Variants in ABCC5 observed in about 807,000 individuals in gnomAD.
ABCC5 encodes the protein ATP-binding cassette sub-family C member 5.
A neutral mutation model predicts 160.9 loss-of-function variants in ABCC5; 61 were observed. The observed-to-expected ratio is 0.38, with a 90% CI of 0.31 to 0.47. ABCC5 has a LOEUF of 0.47. Among genes scored for constraint, ABCC5 ranks in the 20% least tolerant of loss-of-function variants. ABCC5 has a pLI of 0.99. For synonymous variants in ABCC5, 666 were observed against 700.6 expected, an observed-to-expected ratio of 0.95 and a Z score of 0.78; for missense variants, 1,308 against 1,813.3, an observed-to-expected ratio of 0.72 and a Z score of 5.06.
rs191986012 is a variant in ABCC5 at position 183,982,748 on chromosome 3, C to A, written c.825+26G>T. ...CCTCAAGCTAGGAAGTTGCTCTCTG[C>A]TGTGAAGCAAACACCCCTCACTCAC... On this transcript the variant is annotated intron_variant, in intron 6 of 29. Coordinates refer to ENST00000334444, the MANE Select transcript of ABCC5 (RefSeq NM_005688.4). The surrounding 1 kb of genome is among the most constrained non-coding windows in gnomAD (Gnocchi z 5.2). 6.2e-7 allele frequency: 1 copy of A among 1,611,816 alleles called. No homozygotes were observed. The highest frequency in any genetic ancestry group is 2.2e-5 in the East Asian group (1 of 44,846).
At chr3:183,933,907 C>T (rs747482488) in intron 26 of ABCC5, among the ~76,000 whole-genome samples, 1 of 152,186 alleles carries the variant, frequency 6.6e-6, no homozygotes, top group African/African-American at 2.4e-5. Context: ...GGTGGAGGCG[C>T]GGTTTCCAGA....
chr3:183,941,025 A>C (rs1002359785), intron 25 of ABCC5, among the ~76,000 whole-genome samples: 1 of 152,048 alleles, frequency 6.6e-6, no homozygotes, highest in Non-Finnish European at 1.5e-5. Flanking sequence ...CGCCCAGCTA[A>C]CTTTCTGTAT....
intron 2 of ABCC5, among the ~76,000 whole-genome samples, chr3:184,007,045 CAG>C (rs1721275923): frequency 1.0e-5 from 1 of 96,232 alleles, no homozygotes. Context: ...TTTTTTGAGA[CAG>C]AGTCTTGCTG....
chr3:183,972,694 G>A (rs1272123456), intron 10 of ABCC5, among the ~76,000 whole-genome samples: 2 of 152,120 alleles, frequency 1.3e-5, no homozygotes, highest in Non-Finnish European at 2.9e-5. Flanking sequence ...GCCCAGATAG[G>A]AGTGCAGTGG....
intron 2 of ABCC5, among the ~76,000 whole-genome samples, chr3:183,995,600 T>A (rs1269473599): frequency 1.3e-5 from 2 of 152,224 alleles, no homozygotes; most frequent in Non-Finnish European, 2.9e-5. Flanking sequence ...CATGCCTGTG[T>A]GAGTCTATTT....
chr3:183,976,416 G>C (rs1315007038), intron 10 of ABCC5, among the ~76,000 whole-genome samples: 1 of 151,858 alleles, frequency 6.6e-6, no homozygotes, highest in Non-Finnish European at 1.5e-5. Context: ...CACTGCACCT[G>C]GCTATTTTTT....
At chr3:183,945,068 T>C (rs1300910992) in intron 24 of ABCC5, among the ~76,000 whole-genome samples, 2 of 152,182 alleles carry the variant, frequency 1.3e-5, no homozygotes, top group African/African-American at 4.8e-5. Context: ...ATGTGCTTGT[T>C]TCCCCTTCAC....
At position 183,951,375 on chromosome 3, in the gene ABCC5, A is replaced by T; in HGVS notation, c.2944+66T>A. On this transcript the variant is annotated intron_variant, in intron 20 of 29. Transcript: ENST00000334444. The surrounding 1 kb of genome is among the most constrained non-coding windows in gnomAD (Gnocchi z 4.7). ...GACAGACAGATCTGCACATTTGGAGAATCATCTAGAAGGCTGGAAGCACAG... is the reference window on the plus strand; with the variant it reads ...GACAGACAGATCTGCACATTTGGAGTATCATCTAGAAGGCTGGAAGCACAG... 1 of 1,576,172 alleles carries T rather than the reference A, an allele frequency of 6.3e-7. No homozygotes were observed. The highest frequency in any genetic ancestry group is 8.6e-7 in the Non-Finnish European group (1 of 1,160,598).
intron 9 of ABCC5, among the ~76,000 whole-genome samples, chr3:183,977,997 C>T (rs1238192407): frequency 6.6e-6 from 1 of 152,194 alleles, no homozygotes; most frequent in Non-Finnish European, 1.5e-5. Context: ...AAGTGATCCG[C>T]CCGCCTCGGC....
chr3:183,966,715 G>A (rs1240482806), intron 12 of ABCC5, among the ~76,000 whole-genome samples: 1 of 152,048 alleles, frequency 6.6e-6, no homozygotes, highest in African/African-American at 2.4e-5. Flanking sequence ...CCACTGGAGA[G>A]TGTCATAAAG....
chr3:184,006,028 C>G (rs114248065), intron 2 of ABCC5, among the ~76,000 whole-genome samples: 2 of 151,972 alleles, frequency 1.3e-5, no homozygotes. Context: ...CTAGGAAAGC[C>G]GCGGCAGTCT....
At chr3:183,934,715 C>T (rs1458818416) in intron 26 of ABCC5, among the ~76,000 whole-genome samples, 2 of 152,188 alleles carry the variant, frequency 1.3e-5, no homozygotes, top group African/African-American at 4.8e-5. Flanking sequence ...CGACGTCTCA[C>T]GATGTTGCCC....
At chr3:183,942,099 G>A (rs1714414595) in intron 25 of ABCC5, among the ~76,000 whole-genome samples, 1 of 151,908 alleles carries the variant, frequency 6.6e-6, no homozygotes. Flanking sequence ...GAGTGTAGTG[G>A]CGTGATCTTG....
chr3:183,961,533 A>G lies in ABCC5; in HGVS notation c.2357T>C (p.Leu786Pro). The G allele has an allele frequency of 6.2e-7, 1 of 1,614,206 alleles. No homozygotes were observed. The highest frequency in any genetic ancestry group is 8.5e-7 in the Non-Finnish European group (1 of 1,180,036). Reference protein sequence around the residue: ...DYATIFNNLLLGETPPVEINS... With the variant: ...DYATIFNNLLPGETPPVEINS... Reference sequence around the variant, plus strand: ...TACCTCAACTGGCGGTGTCTCTCCCAGCAACAGGTTATTAAAAATGGTAGC... The same window carrying G: ...TACCTCAACTGGCGGTGTCTCTCCCGGCAACAGGTTATTAAAAATGGTAGC... Residue 786 changes from leucine to proline, a missense_variant, in exon 16 of 30, where the codon CTG (leucine) becomes CCG (proline). This residue lies in a region of ABCC5 where 1,142 missense variants were observed against 1,527.1 expected (regional missense o/e 0.75). Coordinates refer to ENST00000334444, the MANE Select transcript of ABCC5 (RefSeq NM_005688.4).
At chr3:183,923,321 GTTC>G (rs1160462577) in intron 29 of ABCC5, among the ~76,000 whole-genome samples, 1 of 152,092 alleles carries the variant, frequency 6.6e-6, no homozygotes, top group Non-Finnish European at 1.5e-5. Flanking sequence ...CTCAATTTGT[GTTC>G]TTAAGAAAAA....
In ABCC5 at chr3:184,000,169, G is replaced by C. The variant is rs191653159; in HGVS notation, c.130-10786C>G. Among the ~76,000 whole-genome samples the C allele has an allele frequency of 2.1e-3, 314 of 151,828 alleles. 1 individual carries two copies. The highest frequency in any genetic ancestry group is 7.1e-3 in the African/African-American group (293 of 41,372). On this transcript the variant is annotated intron_variant, in intron 2 of 29. Coordinates refer to ENST00000334444, the MANE Select transcript of ABCC5 (RefSeq NM_005688.4). Reference sequence around the variant, plus strand: ...AGCCTAGGAGCTTGAGACCAGCCTGGGCAACATGATGAAACCCCGCCTGTA... The same window carrying C: ...AGCCTAGGAGCTTGAGACCAGCCTGCGCAACATGATGAAACCCCGCCTGTA...
intron 2 of ABCC5, among the ~76,000 whole-genome samples, chr3:183,992,822 GAAA>G (rs1372867140): frequency 2.0e-5 from 3 of 151,982 alleles, no homozygotes; most frequent in Non-Finnish European, 4.4e-5. Context: ...AATAAAAGAA[GAAA>G]AAGAGAAAAA....
At chr3:183,940,704 C>T (rs1714249339) in intron 25 of ABCC5, among the ~76,000 whole-genome samples, 1 of 152,090 alleles carries the variant, frequency 6.6e-6, no homozygotes, top group African/African-American at 2.4e-5. Flanking sequence ...CTGAATCTGA[C>T]TACCTTTGCA....
Position 183,987,824 on chromosome 3 carries a change from G to A in ABCC5, c.537C>T (p.Leu179=), listed in dbSNP as rs750354457. ...TCATCAGGCACACGATGGACAGGAT[G>A]AGCCTGGTGCGGCAGAAGATCCACA... The part of the protein sequence containing the change: ...RVVWIFCRTR[L]ILSIVCLMIT... The change falls in exon 5 of 30, where the codon CTC becomes CTT. Residue 179 remains leucine (L), a synonymous_variant. Coordinates refer to ENST00000334444, the MANE Select transcript of ABCC5 (RefSeq NM_005688.4). This position sits in a 1 kb window ranked among gnomAD's most constrained non-coding sequence, Gnocchi z 4.2. The A allele has an allele frequency of 2.5e-6, 4 of 1,613,934 alleles. No homozygotes were observed. The highest frequency in any genetic ancestry group is 1.1e-5 in the South Asian group (1 of 91,060).
Sources: gnomAD v4.1 joint callset for allele counts (sites outside exome capture counted in the v4.1 genomes callset) on GRCh38, gnomAD v4.1.1 for gene constraint, gnomAD v4.1.1 regional missense constraint, Gnocchi (gnomAD v3.1) non-coding constraint, MANE v1.5 for transcripts, NCBI Gene and HGNC (gene_info 2026-07-23, HGNC 2026-07-21) for gene names.